PEX5L: variants seen among roughly 807,000 people sequenced by gnomAD.
The protein encoded by PEX5L is peroxisomal biogenesis factor 5 like, also known as PEX5-related protein.
PEX5L carries 30 observed loss-of-function variants against 84.0 expected under a neutral mutation model. The ratio of observed to expected loss-of-function variants is 0.36; its 90% CI spans 0.27 to 0.48. The LOEUF is 0.48. Ranked by LOEUF, PEX5L falls within the 20% of genes least tolerant of loss-of-function variation. The pLI is 0.99. For missense variants in PEX5L, 533 were observed against 754.6 expected (o/e 0.71, Z 3.44); for synonymous variants, 270 against 283.1 (o/e 0.95, Z 0.46).
intron 2 of PEX5L, among the ~76,000 whole-genome samples, chr3:179,950,144 G>A (rs905073028): frequency 2.0e-5 from 3 of 152,312 alleles, no homozygotes; most frequent in African/African-American, 7.2e-5. Flanking sequence ...GCTCATTGAT[G>A]ATCAGGTCAG....
At chr3:179,861,536 C>T (rs912957865) in intron 7 of PEX5L, among the ~76,000 whole-genome samples, 8 of 152,162 alleles carry the variant, frequency 5.3e-5, no homozygotes, top group African/African-American at 1.7e-4. Context: ...GGAAGGGTGG[C>T]GGGGTACCTC....
chr3:179,804,984 T>G lies in PEX5L; in HGVS notation c.1676+2690A>C, dbSNP rs183572414. On this transcript the variant is annotated intron_variant, in intron 14 of 14. Coordinates refer to ENST00000467460, the MANE Select transcript of PEX5L (RefSeq NM_016559.3). ...AAATACAAAAATTAGCCAGGCATGG[T>G]GGTGGGCGCCTGTAATCCCCGCTAT... Among the ~76,000 whole-genome samples, 1,325 of 151,712 alleles carry G rather than the reference T, an allele frequency of 8.7e-3. 19 individuals carry two copies. The highest frequency in any genetic ancestry group is 0.031 in the African/African-American group (1,264 of 41,332).
chr3:179,942,914 C>T (rs1776547880), intron 2 of PEX5L, among the ~76,000 whole-genome samples: 1 of 152,200 alleles, frequency 6.6e-6, no homozygotes, highest in African/African-American at 2.4e-5. Context: ...GGCCTGCGTT[C>T]CAATTCTGGC....
chr3:179,925,174 T>C (rs920431695), intron 2 of PEX5L, among the ~76,000 whole-genome samples: 1 of 152,232 alleles, frequency 6.6e-6, no homozygotes, highest in Non-Finnish European at 1.5e-5. Context: ...GTAATAATTC[T>C]GGTCATTCTT....
intron 8 of PEX5L, among the ~76,000 whole-genome samples, chr3:179,848,551 CAA>C (rs377561010): frequency 2.6e-4 from 25 of 95,786 alleles, no homozygotes; most frequent in Non-Finnish European, 2.4e-4. Context: ...AAACCTCTCT[CAA>C]AAAAAAAAAA....
chr3:180,000,128 CT>C (rs748423889), intron 1 of PEX5L, among the ~76,000 whole-genome samples: 2 of 152,186 alleles, frequency 1.3e-5, no homozygotes, highest in East Asian at 3.9e-4. Flanking sequence ...TTACGTTCTT[CT>C]GGCCTAGAGG....
intron 8 of PEX5L, among the ~76,000 whole-genome samples, chr3:179,821,456 G>T (rs141266195): frequency 6.6e-6 from 1 of 152,194 alleles, no homozygotes; most frequent in Admixed American, 6.5e-5. Context: ...CTTCAGAGTT[G>T]CTTTGAGTGG....
chr3:179,811,701 T>C, intron 11 of PEX5L, 100 bp downstream of exon 11: 2 of 912,058 alleles, frequency 2.2e-6, no homozygotes, highest in Non-Finnish European at 3.7e-6. Flanking sequence ...TACAAATTCT[T>C]TACACTGTAC....
intron 2 of PEX5L, among the ~76,000 whole-genome samples, chr3:179,935,398 G>A (rs926129313): frequency 6.6e-6 from 1 of 152,058 alleles, no homozygotes; most frequent in Admixed American, 6.6e-5. Context: ...GTATTTTCCT[G>A]TTGCTTATTT....
chr3:179,916,690 G>A (rs1394270478), intron 2 of PEX5L, among the ~76,000 whole-genome samples: 1 of 152,016 alleles, frequency 6.6e-6, no homozygotes, highest in African/African-American at 2.4e-5. Flanking sequence ...TTGTTTTTGA[G>A]ACAGCGTCTC....
chr3:179,869,471 T>C (rs962210997), intron 7 of PEX5L, among the ~76,000 whole-genome samples: 3 of 152,196 alleles, frequency 2.0e-5, no homozygotes, highest in Non-Finnish European at 2.9e-5. Flanking sequence ...AGAGATTATA[T>C]AATTTATTAT....
At chr3:179,988,871 G>T (rs1787119365) in intron 1 of PEX5L, among the ~76,000 whole-genome samples, 1 of 152,132 alleles carries the variant, frequency 6.6e-6, no homozygotes, top group Non-Finnish European at 1.5e-5. Flanking sequence ...TGGCAAGTTG[G>T]GCATTGTAAA....
At chr3:179,932,769 T>A (rs1260230661) in intron 2 of PEX5L, among the ~76,000 whole-genome samples, 1 of 152,226 alleles carries the variant, frequency 6.6e-6, no homozygotes, top group African/African-American at 2.4e-5. Flanking sequence ...ATATTTATAA[T>A]GTACGATATG....
chr3:179,818,610 C>A (rs1446574736), intron 9 of PEX5L, among the ~76,000 whole-genome samples: 1 of 151,742 alleles, frequency 6.6e-6, no homozygotes, highest in African/African-American at 2.4e-5. Flanking sequence ...TGCCCATTAC[C>A]CTTCCCAGCC....
intron 10 of PEX5L, among the ~76,000 whole-genome samples, chr3:179,813,664 ATT>A (rs35351586): frequency 0.5 from 48,269 of 95,960 alleles, 10,615 homozygotes; most frequent in East Asian, 0.67. Context: ...CACTCAACTA[ATT>A]TTTTTTTTTT....
intron 8 of PEX5L, among the ~76,000 whole-genome samples, chr3:179,846,119 G>A (rs1054884780): frequency 1.3e-5 from 2 of 152,086 alleles, no homozygotes; most frequent in Non-Finnish European, 2.9e-5. Flanking sequence ...GCAGGGAGCC[G>A]AGGGCACACC....
chr3:179,801,095 C>T lies in PEX5L; in HGVS notation c.*733G>A, dbSNP rs1718731450. The T allele has an allele frequency of 6.6e-6, 1 of 152,514 alleles. No homozygotes were observed. Among genetic ancestry groups the T allele is most frequent in the South Asian group, 2.1e-4 (1 of 4,826 alleles). 9.4% of individuals were successfully genotyped at this position (152,514 alleles called of 1,614,324 possible). A position where few individuals can be genotyped will look rare whatever the true frequency, so the allele number is the denominator to read the frequency against. On this transcript the variant is annotated 3_prime_UTR_variant, in exon 15 of 15. Transcript: ENST00000467460. ...GTCTTCAGGAATTGTTTATTTGGTCCGTTGATCTAGTGAGGCTGAGTTCTT... is the reference window on the plus strand; with the variant it reads ...GTCTTCAGGAATTGTTTATTTGGTCTGTTGATCTAGTGAGGCTGAGTTCTT...
chr3:179,919,641 G>A (rs1160754754), intron 2 of PEX5L, among the ~76,000 whole-genome samples: 1 of 152,088 alleles, frequency 6.6e-6, no homozygotes, highest in Non-Finnish European at 1.5e-5. Flanking sequence ...ATACAAGCAG[G>A]CACTTCCACA....
chr3:179,967,273 C>A (rs746727277), intron 2 of PEX5L, among the ~76,000 whole-genome samples: 1 of 152,128 alleles, frequency 6.6e-6, no homozygotes, highest in Non-Finnish European at 1.5e-5. Context: ...GCTTCTAGGG[C>A]TCTTCTGCAC....
Sources: gnomAD v4.1 joint callset for allele counts (sites outside exome capture counted in the v4.1 genomes callset) on GRCh38, gnomAD v4.1.1 for gene constraint, MANE v1.5 for transcripts, NCBI Gene and HGNC (gene_info 2026-07-23, HGNC 2026-07-21) for gene names.